The following CLSTN2 variants were observed in gnomAD, a reference collection of about 807,000 sequenced individuals.
CLSTN2 encodes calsyntenin 2.
In CLSTN2, 48 loss-of-function variants were observed where a neutral mutation model predicts 101.2. That is an observed-to-expected ratio of 0.47 (90% confidence interval 0.38 to 0.60). CLSTN2 has a LOEUF of 0.60. Ranked by LOEUF, CLSTN2 falls within the 20% of genes least tolerant of loss-of-function variation. The pLI is 0.00. For missense variants in CLSTN2, 1,160 were observed against 1,238.2 expected (o/e 0.94, Z 0.95); for synonymous variants, 481 against 463.6 (o/e 1.04, Z -0.48).
chr3:140,314,242 T>C (rs1189907571), intron 2 of CLSTN2, among the ~76,000 whole-genome samples: 2 of 152,186 alleles, frequency 1.3e-5, no homozygotes, highest in Non-Finnish European at 2.9e-5. Context: ...ATGGGTTTAA[T>C]TCAAAGCCAA....
At chr3:140,446,532 C>T (rs1317992317) in intron 5 of CLSTN2, among the ~76,000 whole-genome samples, 1 of 152,106 alleles carries the variant, frequency 6.6e-6, no homozygotes, top group Non-Finnish European at 1.5e-5. Flanking sequence ...TGTCTCCTTC[C>T]TTGACAGGGA....
intron 1 of CLSTN2, among the ~76,000 whole-genome samples, chr3:140,166,514 G>A (rs2107822916): frequency 6.6e-6 from 1 of 152,322 alleles, no homozygotes; most frequent in South Asian, 2.1e-4. Context: ...TCAGAAAGTA[G>A]CCAGAAACGT....
intron 2 of CLSTN2, among the ~76,000 whole-genome samples, chr3:140,345,012 G>A (rs2087530222): frequency 6.6e-6 from 1 of 152,134 alleles, no homozygotes; most frequent in African/African-American, 2.4e-5. Flanking sequence ...ACATCTGAGT[G>A]TATCCAAAAA....
intron 4 of CLSTN2, among the ~76,000 whole-genome samples, chr3:140,415,503 A>C (rs867337410): frequency 0.019 from 2,803 of 150,664 alleles, 96 homozygotes; most frequent in African/African-American, 0.064. Context: ...AAAAAAAAAA[A>C]AAAAAAACAA....
Position 139,976,278 on chromosome 3 carries a change from C to T in CLSTN2, c.109+40795C>T, listed in dbSNP as rs546264068. Among the ~76,000 whole-genome samples, 57 of 152,266 alleles carry T rather than the reference C, an allele frequency of 3.7e-4. 1 individual carries two copies. The highest frequency in any genetic ancestry group is 1.3e-3 in the African/African-American group (54 of 41,540). On this transcript the variant is annotated intron_variant, in intron 1 of 16. Transcript: ENST00000458420. ...CCCTGATCCCTTTCTCTGGGTCCAT[C>T]CAGGAATTAAAGGCCTTCCAGGATG... is the stretch of plus-strand genomic sequence containing the variant.
At chr3:139,955,929 G>C (rs1326713115) in intron 1 of CLSTN2, among the ~76,000 whole-genome samples, 1 of 152,198 alleles carries the variant, frequency 6.6e-6, no homozygotes, top group South Asian at 2.1e-4. Flanking sequence ...GCAGTGACAG[G>C]GGGTGGTAGG....
intron 8 of CLSTN2, among the ~76,000 whole-genome samples, chr3:140,473,687 A>C (rs1287537349): frequency 6.6e-6 from 1 of 151,858 alleles, no homozygotes; most frequent in Non-Finnish European, 1.5e-5. Flanking sequence ...AGTGACATTC[A>C]TTTCAGACTT....
At chr3:140,178,845 C>CTT (rs567209104) in intron 2 of CLSTN2, among the ~76,000 whole-genome samples, 1 of 152,200 alleles carries the variant, frequency 6.6e-6, no homozygotes, top group Non-Finnish European at 1.5e-5. Flanking sequence ...TTATCAGCTG[C>CTT]TTTTGTATTG....
chr3:140,391,509 C>T (rs1178377927), intron 2 of CLSTN2, among the ~76,000 whole-genome samples: 3 of 152,164 alleles, frequency 2.0e-5, no homozygotes, highest in African/African-American at 7.2e-5. Context: ...TTCATTTAAA[C>T]ATGTGCAGTA....
At chr3:140,029,136 CT>C (rs901210063) in intron 1 of CLSTN2, among the ~76,000 whole-genome samples, 14 of 152,036 alleles carry the variant, frequency 9.2e-5, no homozygotes, top group Non-Finnish European at 1.8e-4. Context: ...AGTCTACTTC[CT>C]TTTTTTTCTT....
In CLSTN2 at chr3:140,119,730, A is replaced by G. The variant is rs114183045; in HGVS notation, c.110-56221A>G. On this transcript the variant is annotated intron_variant, in intron 1 of 16. Transcript: ENST00000458420. ...TGCCATGTTGCCCAGGCTGGTCTCA[A>G]ATTCAAGTGATCCTCCTGTTTCAGC... is the stretch of plus-strand genomic sequence containing the variant. 4.3e-3 allele frequency among the ~76,000 whole-genome samples: 657 copies of G among 152,272 alleles called. 7 individuals are homozygous for G. The highest frequency in any genetic ancestry group is 0.015 in the African/African-American group (625 of 41,562).
intron 1 of CLSTN2, among the ~76,000 whole-genome samples, chr3:140,013,364 G>A (rs1303524336): frequency 6.6e-6 from 1 of 152,234 alleles, no homozygotes; most frequent in Admixed American, 6.5e-5. Flanking sequence ...CACATGTGGT[G>A]ACAGCAGAGC....
intron 1 of CLSTN2, among the ~76,000 whole-genome samples, chr3:139,955,112 C>CCATATATATATATATATATATATATATA (rs1553785577): frequency 1.4e-5 from 1 of 71,504 alleles, no homozygotes. Context: ...GGCAATATTG[C>CCATATATATATATATATATATATATATA]TATATATATA....
intron 8 of CLSTN2, among the ~76,000 whole-genome samples, chr3:140,524,056 T>G (rs1343194665): frequency 1.3e-5 from 2 of 152,182 alleles, no homozygotes; most frequent in Non-Finnish European, 2.9e-5. Context: ...GAAAGCATTA[T>G]CAGAACTGTG....
intron 2 of CLSTN2, among the ~76,000 whole-genome samples, chr3:140,324,786 T>C (rs914033224): frequency 2.0e-5 from 3 of 152,234 alleles, no homozygotes; most frequent in African/African-American, 4.8e-5. Context: ...TTACGTCTCA[T>C]GCATTTTTAC....
At chr3:139,952,824 G>T (rs1935316306) in intron 1 of CLSTN2, among the ~76,000 whole-genome samples, 1 of 152,154 alleles carries the variant, frequency 6.6e-6, no homozygotes, top group Non-Finnish European at 1.5e-5. Flanking sequence ...CAGTGATTAA[G>T]GTCGGGGTTA....
At chr3:140,262,457 G>A (rs1206377641) in intron 2 of CLSTN2, among the ~76,000 whole-genome samples, 7 of 148,460 alleles carry the variant, frequency 4.7e-5, no homozygotes, top group South Asian at 2.2e-4. Context: ...AAAGATGTTC[G>A]AAATGAAATT....
chr3:140,431,074 G>A (rs1007556790), intron 5 of CLSTN2, among the ~76,000 whole-genome samples: 1 of 152,190 alleles, frequency 6.6e-6, no homozygotes, highest in Non-Finnish European at 1.5e-5. Context: ...TAACTTTTCA[G>A]TTACCTTATC....
intron 2 of CLSTN2, among the ~76,000 whole-genome samples, chr3:140,313,769 A>AAGCG (rs1353549368): frequency 6.6e-6 from 1 of 152,216 alleles, no homozygotes; most frequent in African/African-American, 2.4e-5. Flanking sequence ...TTGTGACACA[A>AAGCG]AGCGCAGTGC....
Sources: allele counts gnomAD v4.1 joint callset (sites outside exome capture counted in the v4.1 genomes callset), GRCh38; gene constraint gnomAD v4.1.1; transcripts MANE v1.5; gene names NCBI Gene and HGNC (gene_info 2026-07-23, HGNC 2026-07-21).